The following IKZF3 variants were observed in gnomAD, a reference collection of about 807,000 sequenced individuals.
The protein encoded by IKZF3 is IKAROS family zinc finger 3.
In IKZF3, 10 loss-of-function variants were observed where a neutral mutation model predicts 49.0. That is an observed-to-expected ratio of 0.20 (90% CI 0.13 to 0.35). The LOEUF (loss-of-function observed/expected upper bound fraction) is 0.35. Ranked by LOEUF, IKZF3 falls within the 10% of genes least tolerant of loss-of-function variation. The probability of loss-of-function intolerance (pLI) is 1.00; values close to 1 mark genes in which losing one functional copy is unlikely to be tolerated. For synonymous variants in IKZF3, 209 were observed against 228.2 expected (o/e 0.92, Z 0.76); for missense variants, 498 against 664.8 (o/e 0.75, Z 2.76).
chr17:39,851,553 G>A (rs1157942002), intron 1 of IKZF3, among the ~76,000 whole-genome samples: 3 of 151,980 alleles, frequency 2.0e-5, no homozygotes, highest in Non-Finnish European at 4.4e-5. Context: ...AAAGAAGCTA[G>A]ACCCCAGAAA....
chr17:39,824,474 T>C (rs1342940523), intron 3 of IKZF3, among the ~76,000 whole-genome samples: 1 of 152,122 alleles, frequency 6.6e-6, no homozygotes, highest in African/African-American at 2.4e-5. Flanking sequence ...TGATTGTGTT[T>C]TGAAATATGA....
chr17:39,814,032 AT>A (rs1191429999), intron 3 of IKZF3, among the ~76,000 whole-genome samples: 6 of 152,096 alleles, frequency 3.9e-5, no homozygotes, highest in South Asian at 2.1e-4. Flanking sequence ...ATGTGGCTTA[AT>A]TTTTTTTCCC....
Position 39,792,769 on chromosome 17 carries a change from T to C in IKZF3, c.328A>G (p.Ser110Gly). ...KLERHVVSFD[S>G]SRPTSGKMNC... ...ATCTTTCCACTGGTTGGCCTGCTAC[T>C]ATCGAATGAGACAACATGTCTCTCC... The change falls in exon 4 of 8, where the codon AGT becomes GGT. Residue 110 changes from serine (S) to glycine (G), a missense_variant. This residue lies in a region of IKZF3 where 84 missense variants were observed against 168.6 expected (regional missense o/e 0.50). Coordinates refer to ENST00000346872, the MANE Select transcript of IKZF3 (RefSeq NM_012481.5). 1 of 1,614,206 alleles carries C rather than the reference T, an allele frequency of 6.2e-7. No homozygotes were observed. The highest frequency in any genetic ancestry group is 8.5e-7 in the Non-Finnish European group (1 of 1,180,006).
intron 1 of IKZF3, among the ~76,000 whole-genome samples, chr17:39,851,494 C>A (rs2062874906): frequency 6.6e-6 from 1 of 151,994 alleles, no homozygotes; most frequent in Non-Finnish European, 1.5e-5. Flanking sequence ...ACAGAGTGAA[C>A]TACTAATAAA....
At position 39,759,405 on chromosome 17, in the gene IKZF3, C is replaced by T. The variant is rs556160282; in HGVS notation, c.*6385G>A. 1 of 151,328 alleles carries T rather than the reference C, an allele frequency of 6.6e-6. No individual in the cohort carries two copies. Among genetic ancestry groups the T allele is most frequent in the Admixed American group, 6.6e-5 (1 of 15,188 alleles). The allele number at this position is 151,328 out of a possible 1,614,324, so 9.4% of individuals were successfully genotyped here. ...TGCCACTGCACTCAGCCTGGGGAAA[C>T]AGAGCGAGACTTTGTCTCAAAAAGA... On this transcript the variant is annotated 3_prime_UTR_variant, in exon 8 of 8. Transcript: ENST00000346872.
At chr17:39,856,473 A>T (rs891609331) in intron 1 of IKZF3, among the ~76,000 whole-genome samples, 1 of 152,094 alleles carries the variant, frequency 6.6e-6, no homozygotes, top group Non-Finnish European at 1.5e-5. Context: ...AGGTTTCACC[A>T]TGTTGGCCAG....
At position 39,829,417 on chromosome 17, in the gene IKZF3, C is replaced by T; in HGVS notation, c.133G>A (p.Gly45Ser). The change falls in exon 3 of 8, where the codon GGC becomes AGC. Residue 45 changes from glycine to serine, a missense_variant. Coordinates refer to ENST00000346872, the MANE Select transcript of IKZF3 (RefSeq NM_012481.5). ...HEMENVDSGE[G>S]PANEDEDIGD... ...ATGTCTTCATCTTCATTGGCTGGGC[C>T]TTCTCCACTGTCCACATTTTCCATT... 7 of 1,613,984 alleles carry T rather than the reference C, an allele frequency of 4.3e-6. No homozygotes were observed. The highest frequency in any genetic ancestry group is 5.9e-6 in the Non-Finnish European group (7 of 1,179,858).
chr17:39,815,863 T>C (rs2144145292), intron 3 of IKZF3, among the ~76,000 whole-genome samples: 1 of 152,346 alleles, frequency 6.6e-6, no homozygotes, highest in South Asian at 2.1e-4. Context: ...TATCACTTCA[T>C]AGGTAAGTAT....
intron 2 of IKZF3, among the ~76,000 whole-genome samples, chr17:39,831,599 C>T (rs1160763608): frequency 2.6e-5 from 4 of 152,016 alleles, no homozygotes; most frequent in African/African-American, 4.8e-5. Flanking sequence ...CAAGTCTGAC[C>T]ATAGCCTGCT....
At chr17:39,821,730 G>T (rs951284789) in intron 3 of IKZF3, among the ~76,000 whole-genome samples, 1 of 152,032 alleles carries the variant, frequency 6.6e-6, no homozygotes, top group Non-Finnish European at 1.5e-5. Context: ...AAAAATATGT[G>T]GGAAAAACAG....
At chr17:39,828,959 C>T (rs2062030224) in intron 3 of IKZF3, among the ~76,000 whole-genome samples, 1 of 151,904 alleles carries the variant, frequency 6.6e-6, no homozygotes, top group Non-Finnish European at 1.5e-5. Flanking sequence ...CGAGATTGCG[C>T]CACTGCACTC....
intron 1 of IKZF3, among the ~76,000 whole-genome samples, chr17:39,853,851 A>AAGGCG (rs1568070085): frequency 1.3e-5 from 2 of 149,548 alleles, no homozygotes; most frequent in African/African-American, 4.9e-5. Context: ...AAAAAAAGGA[A>AAGGCG]GAACACGGTG....
chr17:39,772,409 C>A (rs528601258), intron 7 of IKZF3, among the ~76,000 whole-genome samples: 1 of 152,138 alleles, frequency 6.6e-6, no homozygotes, highest in Non-Finnish European at 1.5e-5. Flanking sequence ...TTTGCTGCTG[C>A]GTCATATAAT....
intron 1 of IKZF3, among the ~76,000 whole-genome samples, chr17:39,841,272 C>A (rs1395254948): frequency 6.6e-6 from 1 of 151,878 alleles, no homozygotes; most frequent in Non-Finnish European, 1.5e-5. Context: ...AGGAGGACTG[C>A]CTGGCCTGGA....
At chr17:39,826,336 CCTGG>C (rs2061955096) in intron 3 of IKZF3, among the ~76,000 whole-genome samples, 1 of 152,212 alleles carries the variant, frequency 6.6e-6, no homozygotes, top group Non-Finnish European at 1.5e-5. Flanking sequence ...AGCCACCATG[CCTGG>C]CTGTGGATGG....
Position 39,792,782 on chromosome 17 carries a change from A to G in IKZF3, c.315T>C (p.Val105=). 6.2e-7 allele frequency: 1 copy of G among 1,614,044 alleles called. No individual in the cohort carries two copies. ...EYENIKLERH[V]VSFDSSRPTS... ...TTGGCCTGCTACTATCGAATGAGAC[A>G]ACATGTCTCTCCAACTTAATGTTTT... Residue 105 remains valine (V), a synonymous_variant, in exon 4 of 8, where the codon GTT becomes GTC. Transcript: ENST00000346872.
At position 39,766,194 on chromosome 17, in the gene IKZF3, C is replaced by A. The variant is rs762789979; in HGVS notation, c.1126G>T (p.Gly376Cys). The A allele has an allele frequency of 3.1e-6, 5 of 1,614,086 alleles. No homozygotes were observed. In the Admixed American group the frequency reaches 8.3e-5, roughly 27 times the overall value. ...LPEKSVPSER[G>C]LSPNNSGHDS... The stretch of plus-strand genomic sequence containing the variant: ...TGGCCACTATTGTTGGGAGAGAGGC[C>A]TCTCTCAGAAGGCACGCTCTTCTCT... The change falls in exon 8 of 8, where the codon GGC becomes TGC. Residue 376 changes from glycine (G) to cysteine (C), a missense_variant. Physicochemically the swap from Gly to Cys is radical, Grantham distance 159 (BLOSUM62 -3). Around this residue, in one of 3 missense-constraint regions of IKZF3, gnomAD observed 317 missense variants for 397.3 expected, o/e 0.80. Transcript: ENST00000346872.
chr17:39,844,954 T>C (rs2062586972), intron 1 of IKZF3, among the ~76,000 whole-genome samples: 2 of 152,180 alleles, frequency 1.3e-5, no homozygotes, highest in African/African-American at 4.8e-5. Context: ...ACAGTGATGT[T>C]GTCTGTTTTG....
At chr17:39,780,864 GGAT>G (rs1255796478) in intron 6 of IKZF3, among the ~76,000 whole-genome samples, 4 of 152,024 alleles carry the variant, frequency 2.6e-5, no homozygotes, top group Non-Finnish European at 4.4e-5. Flanking sequence ...AAAAAGAAGA[GGAT>G]GATAATAATG....
Sources: gnomAD v4.1 joint callset for allele counts (sites outside exome capture counted in the v4.1 genomes callset) on GRCh38, gnomAD v4.1.1 for gene constraint, gnomAD v4.1.1 regional missense constraint, MANE v1.5 for transcripts, NCBI Gene and HGNC (gene_info 2026-07-23, HGNC 2026-07-21) for gene names.